TACC1: variants seen among roughly 807,000 people sequenced by gnomAD.
TACC1 encodes the protein transforming acidic coiled-coil-containing protein 1.
TACC1 carries 48 observed loss-of-function variants against 84.4 expected under a neutral mutation model. The observed-to-expected ratio is 0.57, with a 90% CI of 0.45 to 0.72. The LOEUF (loss-of-function observed/expected upper bound fraction) is 0.72, where lower values mean the gene tolerates loss of function less well. Ranked by LOEUF, TACC1 falls within the 30% of genes least tolerant of loss-of-function variation. TACC1 has a pLI of 0.00. For missense variants in TACC1, 920 were observed against 973.0 expected (o/e 0.95, Z 0.72); for synonymous variants, 372 against 376.3 (o/e 0.99, Z 0.13).
upstream of TACC1, among the ~76,000 whole-genome samples, chr8:38,782,664 G>A (rs1205415829): frequency 6.6e-6 from 1 of 152,220 alleles, no homozygotes; most frequent in Admixed American, 6.5e-5. Flanking sequence ...TGATATTCCT[G>A]TTTAACAGGC....
rs765440484 is a variant in TACC1, at chr8:38,820,566, G to T, written c.1322G>T (p.Cys441Phe). ...ACGACCTTAACAAGCAGTGACTTTT[G>T]TTCTCCCACTGGTAATCACGTTAAT... ...PTTTLTSSDF[C>F]SPTGNHVNEI... The change falls in exon 3 of 13, where the codon TGT becomes TTT. Residue 441 changes from cysteine to phenylalanine, a missense_variant. Around this residue, in one of 2 missense-constraint regions of TACC1, gnomAD observed 762 missense variants for 747.3 expected, o/e 1.02. Transcript: ENST00000317827. 1 of 1,613,888 alleles carries T rather than the reference G, an allele frequency of 6.2e-7. No individual in the cohort carries two copies.
intron 3 of TACC1, among the ~76,000 whole-genome samples, chr8:38,755,159 CAAAAAAAAAAA>C (rs35992046): frequency 4.1e-5 from 3 of 72,352 alleles, no homozygotes; most frequent in Admixed American, 1.6e-4. Flanking sequence ...GACTCCATCT[CAAAAAAAAAAA>C]AAAAAAAAAA....
intron 7 of TACC1, among the ~76,000 whole-genome samples, chr8:38,837,252 TAAA>T (rs56272394): frequency 1.4e-5 from 2 of 141,014 alleles, no homozygotes; most frequent in African/African-American, 2.6e-5. Context: ...CCATCTCTAC[TAAA>T]AAAAAAAAAA....
rs144289557 is a variant in TACC1, at chr8:38,815,103, C to T, written c.278-4419C>T. 3.3e-4 allele frequency among the ~76,000 whole-genome samples: 50 copies of T among 152,310 alleles called. 1 individual carries two copies. The East Asian group carries it at 9.5e-3, about 29-fold the overall frequency. ...TCAGCATATGGAAAGGGTGGCTCTCCCACCATGCCACACCATCCACTCCTG... is the reference window on the plus strand; with the variant it reads ...TCAGCATATGGAAAGGGTGGCTCTCTCACCATGCCACACCATCCACTCCTG... On this transcript the variant is annotated intron_variant, in intron 2 of 12. Transcript: ENST00000317827.
chr8:38,847,990 T>C lies in TACC1; in HGVS notation c.2385T>C (p.Asp795=). The change falls in exon 13 of 13, where the codon GAT becomes GAC. Residue 795 remains aspartate (D), a synonymous_variant. Coordinates refer to ENST00000317827, the MANE Select transcript of TACC1 (RefSeq NM_006283.3). The stretch of plus-strand genomic sequence containing the variant: ...TTGAAGAACTGACAAAAATCTGTGA[T>C]GAGCTGATTGCAAAGCTGGGAAAGA... ...QEIEELTKIC[D]ELIAKLGKTD The C allele has an allele frequency of 6.2e-7, 1 of 1,613,118 alleles. No homozygotes were observed. Among genetic ancestry groups the C allele is most frequent in the East Asian group, 2.2e-5 (1 of 44,874 alleles).
intron 4 of TACC1, among the ~76,000 whole-genome samples, chr8:38,826,082 T>G: frequency 6.6e-6 from 1 of 152,186 alleles, no homozygotes; most frequent in East Asian, 1.9e-4. Context: ...TTTTAAAACT[T>G]TCTCAGTATA....
intron 3 of TACC1, among the ~76,000 whole-genome samples, chr8:38,774,954 T>C (rs1410117839): frequency 2.9e-5 from 4 of 140,188 alleles, no homozygotes; most frequent in Non-Finnish European, 4.5e-5. Flanking sequence ...GAGGTTGCAG[T>C]GAGCGAAGAT....
intron 1 of TACC1, among the ~76,000 whole-genome samples, chr8:38,731,043 T>C (rs1372829760): frequency 6.6e-6 from 1 of 152,190 alleles, no homozygotes; most frequent in African/African-American, 2.4e-5. Flanking sequence ...TCCTCCCACC[T>C]GAGCCTCCCC....
Position 38,842,383 on chromosome 8 carries a change from G to A in TACC1, c.2057G>A (p.Arg686Lys). The A allele has an allele frequency of 6.2e-7, 1 of 1,614,196 alleles. No individual in the cohort carries two copies. The highest frequency in any genetic ancestry group is 8.5e-7 in the Non-Finnish European group (1 of 1,180,028). The change falls in exon 10 of 13, where the codon AGG (arginine) becomes AAG (lysine). Residue 686 changes from arginine to lysine, a missense_variant. Physicochemically the swap from Arg to Lys is conservative, Grantham distance 26. This residue lies in a region of TACC1 where 158 missense variants were observed against 225.6 expected (regional missense o/e 0.70). Transcript: ENST00000317827. ...QALADLNSVE[R>K]SLSDLFRRYE... ...CTGGCTGACCTTAACTCTGTGGAAAGGTCCCTTTCTGATCTCTTCAGGAGA... is the reference window on the plus strand; with the variant it reads ...CTGGCTGACCTTAACTCTGTGGAAAAGTCCCTTTCTGATCTCTTCAGGAGA...
intron 3 of TACC1, among the ~76,000 whole-genome samples, chr8:38,749,083 A>C (rs898683608): frequency 2.6e-5 from 4 of 152,184 alleles, no homozygotes; most frequent in Non-Finnish European, 5.9e-5. Context: ...CAATATCAAG[A>C]ATGAGAGAAG....
chr8:38,807,272 G>T (rs192317499), intron 2 of TACC1, among the ~76,000 whole-genome samples: 1 of 152,124 alleles, frequency 6.6e-6, no homozygotes, highest in Non-Finnish European at 1.5e-5. Flanking sequence ...TCATGCATTT[G>T]GTCTTTCTGG....
chr8:38,763,800 A>G (rs1811684422), intron 3 of TACC1, among the ~76,000 whole-genome samples: 2 of 152,160 alleles, frequency 1.3e-5, no homozygotes, highest in South Asian at 4.1e-4. Context: ...ATCTGTATAT[A>G]CCATAATTCA....
chr8:38,763,984 A>G (rs1366494675), intron 3 of TACC1, among the ~76,000 whole-genome samples: 2 of 152,206 alleles, frequency 1.3e-5, no homozygotes, highest in African/African-American at 4.8e-5. Flanking sequence ...AAAAGTTGCT[A>G]CATATTACTA....
chr8:38,741,699 T>A (rs183182866), intron 1 of TACC1, among the ~76,000 whole-genome samples: 9 of 152,290 alleles, frequency 5.9e-5, no homozygotes, highest in Admixed American at 3.3e-4. Flanking sequence ...ACTGTGGGGT[T>A]GGAATCCATG....
chr8:38,759,377 C>A (rs1810757490), intron 3 of TACC1, among the ~76,000 whole-genome samples: 1 of 152,134 alleles, frequency 6.6e-6, no homozygotes, highest in African/African-American at 2.4e-5. Context: ...AAATGTGTGG[C>A]CAAGTTTACT....
At chr8:38,799,144 A>AG (rs1049628744) in intron 2 of TACC1, among the ~76,000 whole-genome samples, 1 of 152,044 alleles carries the variant, frequency 6.6e-6, no homozygotes, top group African/African-American at 2.4e-5. Flanking sequence ...AGTGTGGGGG[A>AG]GGAGAGCTGG....
intron 3 of TACC1, among the ~76,000 whole-genome samples, chr8:38,780,360 T>C (rs1375366895): frequency 3.9e-5 from 6 of 152,198 alleles, no homozygotes; most frequent in African/African-American, 1.4e-4. Flanking sequence ...TTTATATTTT[T>C]GTTGTTTGTT....
intron 3 of TACC1, among the ~76,000 whole-genome samples, chr8:38,777,633 A>AAAAC (rs1815086734): frequency 6.6e-6 from 1 of 152,316 alleles, no homozygotes; most frequent in Admixed American, 6.5e-5. Context: ...AAAACAAAAC[A>AAAAC]AAACAAAAAA....
intron 5 of TACC1, chr8:38,827,711 A>G: frequency 3.7e-6 from 1 of 273,164 alleles, no homozygotes; most frequent in South Asian, 4.5e-5. Context: ...AATACCTGAG[A>G]ATGGCTAATT....
Sources: gnomAD v4.1 joint callset for allele counts (sites outside exome capture counted in the v4.1 genomes callset) on GRCh38, gnomAD v4.1.1 for gene constraint, gnomAD v4.1.1 regional missense constraint, MANE v1.5 for transcripts, NCBI Gene and HGNC (gene_info 2026-07-23, HGNC 2026-07-21) for gene names.